The following EYA3 variants were observed in gnomAD, a reference collection of about 807,000 sequenced individuals.
EYA3 encodes the protein EYA transcriptional coactivator and phosphatase 3.
A neutral mutation model predicts 80.0 loss-of-function variants in EYA3; 39 were observed. The observed-to-expected ratio is 0.49, with a 90% CI of 0.38 to 0.64. EYA3 has a LOEUF of 0.64. EYA3 is among the 30% of genes least tolerant of loss of function. The probability of loss-of-function intolerance (pLI) is 0.00; values close to 1 mark genes in which losing one functional copy is unlikely to be tolerated. For synonymous variants in EYA3, 206 were observed against 232.8 expected (o/e 0.88, Z 1.05); for missense variants, 523 against 676.1 (o/e 0.77, Z 2.51).
intron 6 of EYA3, among the ~76,000 whole-genome samples, chr1:28,031,588 T>C (rs1444245208): frequency 1.3e-5 from 2 of 152,216 alleles, no homozygotes; most frequent in African/African-American, 4.8e-5. Flanking sequence ...TTAGTCACTA[T>C]CCAAACTAAT....
chr1:27,979,924 G>A (rs903339173), intron 16 of EYA3, among the ~76,000 whole-genome samples: 2 of 152,196 alleles, frequency 1.3e-5, no homozygotes, highest in African/African-American at 4.8e-5. Flanking sequence ...CAGAAGTTGT[G>A]CAGATATGTA....
chr1:27,976,391 C>T (rs1002669708), intron 17 of EYA3, among the ~76,000 whole-genome samples: 2 of 151,994 alleles, frequency 1.3e-5, no homozygotes, highest in Non-Finnish European at 2.9e-5. Flanking sequence ...ACCCAGGAGG[C>T]GGAGGCTGCA....
At chr1:28,012,133 G>T (rs1191139987) in intron 9 of EYA3, among the ~76,000 whole-genome samples, 2 of 152,134 alleles carry the variant, frequency 1.3e-5, no homozygotes, top group African/African-American at 4.8e-5. Flanking sequence ...TCTGGGGAGG[G>T]AGCTAGATGA....
At chr1:28,053,914 C>T (rs1644356553) in intron 2 of EYA3, among the ~76,000 whole-genome samples, 1 of 152,108 alleles carries the variant, frequency 6.6e-6, no homozygotes, top group Admixed American at 6.6e-5. Context: ...CAAGTAATGG[C>T]TATGAAGGTT....
At chr1:28,064,410 C>G (rs1431375704) in intron 1 of EYA3, among the ~76,000 whole-genome samples, 2 of 143,754 alleles carry the variant, frequency 1.4e-5, no homozygotes, top group African/African-American at 2.6e-5. Context: ...ATAGAGCCTG[C>G]GAGACAGCGA....
At chr1:28,068,124 T>C (rs1571943757) in intron 1 of EYA3, among the ~76,000 whole-genome samples, 1 of 151,900 alleles carries the variant, frequency 6.6e-6, no homozygotes, top group African/African-American at 2.4e-5. Flanking sequence ...TCACCTGAGG[T>C]CAGGAGTTCG....
At chr1:27,993,258 T>C in intron 14 of EYA3, 142 bp downstream of exon 14, 1 of 890,110 alleles carries the variant, frequency 1.1e-6, no homozygotes, top group Admixed American at 3.2e-5. Flanking sequence ...ACCAAACCTC[T>C]ATTTTTTTAA....
rs148184036 is a variant in EYA3 at position 28,064,439 on chromosome 1, A to T, written c.-68-6345T>A. 2.6e-3 allele frequency among the ~76,000 whole-genome samples: 394 copies of T among 151,510 alleles called. 1 individual carries two copies. Among genetic ancestry groups the T allele is most frequent in the African/African-American group, 8.7e-3 (361 of 41,418 alleles). ...ACAGCGAGACTCTGCCTCAAAAAAA[A>T]AAAAAGAAGTGAACAAAGGTTTACT... On this transcript the variant is annotated intron_variant, in intron 1 of 17. Transcript: ENST00000373871.
intron 1 of EYA3, among the ~76,000 whole-genome samples, chr1:28,075,189 C>T (rs1645158304): frequency 6.6e-6 from 1 of 152,158 alleles, no homozygotes; most frequent in Non-Finnish European, 1.5e-5. Flanking sequence ...CCTAAGCATG[C>T]AGCACACAAC....
Position 28,084,595 on chromosome 1 carries a change from A to ATT in EYA3, c.-69+3927_-69+3928dup, listed in dbSNP as rs869103612. On this transcript the variant is annotated intron_variant, in intron 1 of 17. Transcript: ENST00000373871. ...TATATATATATATATATATATATAT[A>ATT]TTTTTTTTTTTTTTTTTTTTTTTTT... 2.0e-3 allele frequency among the ~76,000 whole-genome samples: 30 copies of ATT among 15,226 alleles called. 2 individuals carry two copies. The highest frequency in any genetic ancestry group is 2.3e-3 in the Non-Finnish European group (22 of 9,430). 10.0% of individuals were successfully genotyped at this position (15,226 alleles called of 152,430 possible).
chr1:28,034,258 CTAA>C (rs903513984), intron 6 of EYA3, among the ~76,000 whole-genome samples: 3 of 151,586 alleles, frequency 2.0e-5, no homozygotes, highest in Admixed American at 6.6e-5. Flanking sequence ...TTGTAAAGGG[CTAA>C]TAATAATAAT....
chr1:28,046,648 G>C (rs1360706399), intron 3 of EYA3, among the ~76,000 whole-genome samples: 1 of 152,072 alleles, frequency 6.6e-6, no homozygotes, highest in Non-Finnish European at 1.5e-5. Context: ...ATAGAAACTA[G>C]GAACAGTTAG....
rs189441193 is a variant in EYA3 at position 28,032,953 on chromosome 1, A to T, written c.361+2591T>A. ...GTATGAACTTTGGGCACATGATTTAACTCTGCTTCTCCCCTATAAAAAGGG... is the reference window on the plus strand; with the variant it reads ...GTATGAACTTTGGGCACATGATTTATCTCTGCTTCTCCCCTATAAAAAGGG... On this transcript the variant is annotated intron_variant, in intron 6 of 17. Transcript: ENST00000373871. 6.4e-4 allele frequency among the ~76,000 whole-genome samples: 98 copies of T among 152,242 alleles called. 1 individual carries two copies. Among genetic ancestry groups the T allele is most frequent in the African/African-American group, 2.3e-3 (96 of 41,552 alleles).
chr1:27,982,506 C>T (rs1350916283), intron 16 of EYA3, among the ~76,000 whole-genome samples: 4 of 150,856 alleles, frequency 2.7e-5, no homozygotes, highest in Admixed American at 6.6e-5. Context: ...CAAAACTTTT[C>T]AAGTACTCCT....
chr1:28,020,667 C>CGTGTATGTGT (rs1642371212), intron 7 of EYA3, among the ~76,000 whole-genome samples: 1 of 134,478 alleles, frequency 7.4e-6, no homozygotes, highest in Non-Finnish European at 1.6e-5. Flanking sequence ...TACAGATCAT[C>CGTGTATGTGT]GTGTGTGTGT....
intron 16 of EYA3, among the ~76,000 whole-genome samples, chr1:27,986,859 C>T (rs146624176): frequency 0.026 from 3,882 of 152,208 alleles, 57 homozygotes; most frequent in Middle Eastern, 0.038. Context: ...AGTGCCACCA[C>T]GCCCAGCTAA....
At chr1:28,018,659 G>A (rs533253891) in intron 7 of EYA3, among the ~76,000 whole-genome samples, 28 of 152,288 alleles carry the variant, frequency 1.8e-4, no homozygotes, top group African/African-American at 5.1e-4. Context: ...AAGGGTACTC[G>A]GCTTAGAAGA....
At position 28,081,623 on chromosome 1, in the gene EYA3, A is replaced by G. The variant is rs1645432189; in HGVS notation, c.-69+6901T>C. On this transcript the variant is annotated intron_variant, in intron 1 of 17. Transcript: ENST00000373871. Reference sequence around the variant, plus strand: ...TGAGATTATCACATTCATTTCATCAATCTACTAGGAAAAAATTAACATCAT... The same window carrying G: ...TGAGATTATCACATTCATTTCATCAGTCTACTAGGAAAAAATTAACATCAT... Among the ~76,000 whole-genome samples the G allele has an allele frequency of 2.6e-5, 4 of 152,300 alleles. No individual in the cohort carries two copies. In the South Asian group the frequency reaches 8.3e-4, roughly 32 times the overall value.
intron 10 of EYA3, among the ~76,000 whole-genome samples, chr1:28,010,100 T>C (rs56408651): frequency 0.033 from 4,969 of 152,276 alleles, 122 homozygotes; most frequent in Non-Finnish European, 0.053. Flanking sequence ...CACCTATGTC[T>C]TAAGAGCACT....
Sources: allele counts gnomAD v4.1 joint callset (sites outside exome capture counted in the v4.1 genomes callset), GRCh38; gene constraint gnomAD v4.1.1; transcripts MANE v1.5; gene names NCBI Gene and HGNC (gene_info 2026-07-23, HGNC 2026-07-21).